The following KIT variants were observed in gnomAD, a reference collection of about 807,000 sequenced individuals.
KIT encodes KIT proto-oncogene, receptor tyrosine kinase, also known as mast/stem cell growth factor receptor Kit.
Under a neutral mutation model 105.7 loss-of-function variants are expected in KIT, and 16 were observed. The ratio of observed to expected loss-of-function variants is 0.15; its 90% CI spans 0.10 to 0.23. The LOEUF is 0.23. Ranked by LOEUF, KIT falls within the 10% of genes least tolerant of loss-of-function variation. The pLI is 1.00. For missense variants in KIT, 858 were observed against 1,213.8 expected (o/e 0.71, Z 4.36); for synonymous variants, 438 against 441.1 (o/e 0.99, Z 0.09).
intron 1 of KIT, among the ~76,000 whole-genome samples, chr4:54,683,767 A>C (rs1719112250): frequency 6.6e-6 from 1 of 152,164 alleles, no homozygotes; most frequent in South Asian, 2.1e-4. Flanking sequence ...GTGCTGTTCA[A>C]AAAGCAGAAG....
chr4:54,698,627 T>C, intron 3 of KIT, 62 bp downstream of exon 3: 1 of 1,570,356 alleles, frequency 6.4e-7, no homozygotes, highest in Non-Finnish European at 8.8e-7. Context: ...AGAAGACTTC[T>C]CTTCTCGTTG....
At chr4:54,666,263 T>A (rs986697528) in intron 1 of KIT, among the ~76,000 whole-genome samples, 2 of 151,914 alleles carry the variant, frequency 1.3e-5, no homozygotes, top group Non-Finnish European at 2.9e-5. Context: ...AATTTTTTTG[T>A]TTTTGTTTTT....
chr4:54,729,610 T>A (rs1381512288), intron 14 of KIT, 125 bp downstream of exon 14: 1 of 856,426 alleles, frequency 1.2e-6, no homozygotes, highest in Non-Finnish European at 1.9e-6. Context: ...ATCAAAATTA[T>A]TAAATCATTT....
At chr4:54,686,062 C>T (rs1719293192) in intron 1 of KIT, among the ~76,000 whole-genome samples, 1 of 152,174 alleles carries the variant, frequency 6.6e-6, no homozygotes, top group African/African-American at 2.4e-5. Flanking sequence ...TCAATAAGGA[C>T]ACGTTACACA....
intron 18 of KIT, 32 bp from the exon 19 acceptor site, chr4:54,736,689 T>C: frequency 6.2e-7 from 1 of 1,605,266 alleles, no homozygotes; most frequent in South Asian, 1.1e-5. Flanking sequence ...TGCTTCCTTG[T>C]GATTAACACT....
intron 1 of KIT, among the ~76,000 whole-genome samples, chr4:54,691,443 C>A (rs139579584): frequency 3.0e-3 from 455 of 152,106 alleles, no homozygotes; most frequent in Middle Eastern, 0.014. Context: ...AAGAGGCTGT[C>A]TTCAGCGGGG....
At chr4:54,726,076 AG>A in intron 9 of KIT, 26 bp downstream of exon 9, 1 of 1,579,978 alleles carries the variant, frequency 6.3e-7, no homozygotes, top group South Asian at 1.1e-5. Context: ...ATCCAATTTA[AG>A]GGGATGTTTA....
chr4:54,723,830 G>T, intron 8 of KIT, 132 bp downstream of exon 8: 1 of 704,458 alleles, frequency 1.4e-6, no homozygotes, highest in East Asian at 2.7e-5. Flanking sequence ...CTAGCCATGT[G>T]GCTTTTTAGA....
intron 1 of KIT, among the ~76,000 whole-genome samples, chr4:54,670,687 G>T (rs1428879864): frequency 6.6e-6 from 1 of 152,018 alleles, no homozygotes; most frequent in East Asian, 1.9e-4. Context: ...TTTCCCCAAG[G>T]CAGGTCATAG....
rs996378026 is a variant in KIT, at chr4:54,740,337, T to G, written c.*1780T>G. ...TTTGTGTTTCTATTGACTTCAATGA[T>G]AGTAAGAAAAGTGGTTGTTAGTTAT... On this transcript the variant is annotated 3_prime_UTR_variant, in exon 21 of 21. Transcript: ENST00000288135. 7.3e-5 allele frequency: 17 copies of G among 233,494 alleles called. No individual in the cohort carries two copies. In the Admixed American group the frequency reaches 9.6e-4, roughly 13 times the overall value. 14.5% of individuals were successfully genotyped at this position (233,494 alleles called of 1,614,324 possible).
intron 1 of KIT, 135 bp from the exon 2 acceptor site, chr4:54,695,377 A>G: frequency 1.1e-6 from 1 of 875,306 alleles, no homozygotes; most frequent in Non-Finnish European, 1.9e-6. Context: ...CTCTCTTTTC[A>G]GCCATAAATA....
chr4:54,679,320 TG>T (rs1447494768), intron 1 of KIT, among the ~76,000 whole-genome samples: 1 of 152,164 alleles, frequency 6.6e-6, no homozygotes, highest in Non-Finnish European at 1.5e-5. Flanking sequence ...TATCCGGAGC[TG>T]TAGGTGAACT....
At chr4:54,724,245 T>C (rs1722079254) in intron 8 of KIT, among the ~76,000 whole-genome samples, 1 of 152,180 alleles carries the variant, frequency 6.6e-6, no homozygotes, top group Admixed American at 6.5e-5. Flanking sequence ...AAGCCTTAAA[T>C]TGCCCTTTTG....
intron 6 of KIT, 103 bp from the exon 7 acceptor site, chr4:54,709,321 T>G (rs1449981553): frequency 3.9e-6 from 3 of 767,272 alleles, no homozygotes; most frequent in Non-Finnish European, 7.0e-6. Flanking sequence ...ATGAGTTATA[T>G]TTTTCCTCAA....
At chr4:54,724,388 C>A (rs1485521625) in intron 8 of KIT, among the ~76,000 whole-genome samples, 1 of 152,200 alleles carries the variant, frequency 6.6e-6, no homozygotes, top group Non-Finnish European at 1.5e-5. Flanking sequence ...TTTTATTTTT[C>A]ATGGAATAAG....
At chr4:54,704,806 A>G (rs536296756) in intron 5 of KIT, among the ~76,000 whole-genome samples, 2 of 152,242 alleles carry the variant, frequency 1.3e-5, no homozygotes, top group Admixed American at 6.5e-5. Flanking sequence ...ATCAAGAACA[A>G]TAATAAAGTG....
At chr4:54,690,973 C>G (rs1028808364) in intron 1 of KIT, among the ~76,000 whole-genome samples, 25 of 152,116 alleles carry the variant, frequency 1.6e-4, no homozygotes, top group African/African-American at 5.8e-4. Flanking sequence ...CTGAATACTT[C>G]TGGTGGCAAT....
intron 5 of KIT, among the ~76,000 whole-genome samples, chr4:54,706,845 T>C (rs1720821315): frequency 6.6e-6 from 1 of 152,194 alleles, no homozygotes; most frequent in Non-Finnish European, 1.5e-5. Flanking sequence ...TTTAAGATGG[T>C]GATAGATCTT....
rs1553889072 is a variant in KIT, at chr4:54,709,415, T to C, written c.1116-9T>C. 32 of 1,564,526 alleles carry C rather than the reference T, an allele frequency of 2.0e-5. No homozygotes were observed. Among genetic ancestry groups the C allele is most frequent in the Non-Finnish European group, 2.6e-5 (29 of 1,134,786 alleles). On this transcript the variant is annotated splice_polypyrimidine_tract_variant and intron_variant, in intron 6 of 20. Coordinates refer to ENST00000288135, the MANE Select transcript of KIT (RefSeq NM_000222.3). Reference sequence around the variant, plus strand: ...CACAGGTGATTGACTAGTTGTCTTTTCTTTGTAGATACGTAAGTGAACTTC... The same window carrying C: ...CACAGGTGATTGACTAGTTGTCTTTCCTTTGTAGATACGTAAGTGAACTTC...
Sources: gnomAD v4.1 joint callset for allele counts (sites outside exome capture counted in the v4.1 genomes callset) on GRCh38, gnomAD v4.1.1 for gene constraint, MANE v1.5 for transcripts, NCBI Gene and HGNC (gene_info 2026-07-23, HGNC 2026-07-21) for gene names.